The following SPATA4 variants were observed in gnomAD, a reference collection of about 807,000 sequenced individuals.
The protein encoded by SPATA4 is spermatogenesis associated 4, also known as spermatogenesis-associated protein 4.
Under a neutral mutation model 31.8 loss-of-function variants are expected in SPATA4, and 35 were observed. That is an observed-to-expected ratio of 1.10 (90% CI 0.84 to 1.46). The LOEUF is 1.46. Ranked by LOEUF, SPATA4 falls within the 40% of genes most tolerant of loss-of-function variation. The pLI is 0.00. For synonymous variants in SPATA4, 126 were observed against 132.4 expected (o/e 0.95, Z 0.33); for missense variants, 394 against 363.1 (o/e 1.09, Z -0.69).
Position 176,188,162 on chromosome 4 carries a change from T to A in SPATA4, c.762A>T (p.Arg254Ser). The stretch of plus-strand genomic sequence containing the variant: ...TTCCTCTTTTAACTTTTAAATTATA[T>A]CTGCGCCCAGAGGCTTGGGCAGGAA... ...NHLPAQASGR[R>S]YNLKVKRGRV... is the part of the protein sequence containing the mutation. Residue 254 changes from arginine to serine, a missense_variant, in exon 5 of 6, where the codon AGA becomes AGT. Arg to Ser is a moderately radical substitution (Grantham distance 110). Transcript: ENST00000280191. 2 of 1,613,832 alleles carry A rather than the reference T, an allele frequency of 1.2e-6. No individual in the cohort carries two copies. Among genetic ancestry groups the A allele is most frequent in the Non-Finnish European group, 1.7e-6 (2 of 1,179,926 alleles).
rs1752552918 is a variant in SPATA4, at chr4:176,192,771, A to T, written c.544T>A (p.Ser182Thr). ...TCTTTAATAGACTTCGAAACTGTAG[A>T]CCTGGAAACCAGGGGTAAACGCATC... The part of the protein sequence containing the change: ...YQMRLPLVSR[S>T]TVSKSIKDNI... Residue 182 changes from serine to threonine, a missense_variant, in exon 4 of 6, where the codon TCT becomes ACT. Transcript: ENST00000280191. 6.2e-7 allele frequency: 1 copy of T among 1,614,038 alleles called. No individual in the cohort carries two copies. The highest frequency in any genetic ancestry group is 1.3e-5 in the African/African-American group (1 of 74,944).
chr4:176,186,231 G>A (rs759592596), intron 5 of SPATA4, among the ~76,000 whole-genome samples: 6 of 152,176 alleles, frequency 3.9e-5, no homozygotes, highest in East Asian at 1.9e-4. Flanking sequence ...GAAGGAAGCC[G>A]TGCTGTGACT....
At position 176,192,767 on chromosome 4, in the gene SPATA4, G is replaced by A. The variant is rs746377556; in HGVS notation, c.548C>T (p.Thr183Ile). ...GTTATCTTTAATAGACTTCGAAACT[G>A]TAGACCTGGAAACCAGGGGTAAACG... Reference protein sequence around the residue: ...QMRLPLVSRSTVSKSIKDNIR... With the variant: ...QMRLPLVSRSIVSKSIKDNIR... Residue 183 changes from threonine to isoleucine, a missense_variant, in exon 4 of 6, where the codon ACA becomes ATA. Transcript: ENST00000280191. 2 of 1,614,146 alleles carry A rather than the reference G, an allele frequency of 1.2e-6. No homozygotes were observed. Among genetic ancestry groups the A allele is most frequent in the Middle Eastern group, 1.6e-4 (1 of 6,062 alleles).
At chr4:176,187,553 G>A (rs929409498) in intron 5 of SPATA4, among the ~76,000 whole-genome samples, 3 of 151,490 alleles carry the variant, frequency 2.0e-5, no homozygotes, top group Non-Finnish European at 2.9e-5. Flanking sequence ...GCAGTGAGCC[G>A]AGATCACACC....
intron 4 of SPATA4, among the ~76,000 whole-genome samples, chr4:176,190,930 G>C (rs956770998): frequency 6.6e-6 from 1 of 151,748 alleles, no homozygotes; most frequent in Non-Finnish European, 1.5e-5. Context: ...ATATTCACAG[G>C]TTTCAGGGAT....
At position 176,190,995 on chromosome 4, in the gene SPATA4, C is replaced by T. The variant is rs115740337; in HGVS notation, c.688+1632G>A. 7.0e-3 allele frequency among the ~76,000 whole-genome samples: 1,044 copies of T among 149,830 alleles called. 10 individuals are homozygous for T. Among genetic ancestry groups the T allele is most frequent in the African/African-American group, 0.024 (983 of 40,844 alleles). Reference sequence around the variant, plus strand: ...TGCCTACTACAGAGTTTCATAAAATCAACTAAACTTAAAAATATATATGAA... The same window carrying T: ...TGCCTACTACAGAGTTTCATAAAATTAACTAAACTTAAAAATATATATGAA... On this transcript the variant is annotated intron_variant, in intron 4 of 5. Transcript: ENST00000280191.
Position 176,193,462 on chromosome 4 carries a change from C to T in SPATA4, c.339G>A (p.Gln113=), listed in dbSNP as rs141308490. The T allele has an allele frequency of 6.0e-4, 965 of 1,612,696 alleles. No homozygotes were observed. Among genetic ancestry groups the T allele is most frequent in the Non-Finnish European group, 7.7e-4 (903 of 1,179,664 alleles). Residue 113 remains glutamine, a synonymous_variant, in exon 2 of 6, where the codon CAG becomes CAA. Transcript: ENST00000280191. ...SLKVKLDNWA[Q]LEKFLARKKF... ...ATGACTGCTAACGTACCTTCTCCAACTGTGCCCAGTTATCCAACTTGACTT... is the reference window on the plus strand; with the variant it reads ...ATGACTGCTAACGTACCTTCTCCAATTGTGCCCAGTTATCCAACTTGACTT...
chr4:176,190,026 T>C (rs1752503599), intron 4 of SPATA4, among the ~76,000 whole-genome samples: 1 of 152,114 alleles, frequency 6.6e-6, no homozygotes, highest in Non-Finnish European at 1.5e-5. Context: ...GGGGGCTGCG[T>C]GCACCGGTAA....
intron 4 of SPATA4, among the ~76,000 whole-genome samples, chr4:176,191,496 A>T (rs1460421228): frequency 6.6e-6 from 1 of 152,240 alleles, no homozygotes; most frequent in Admixed American, 6.5e-5. Flanking sequence ...AGGGGAAGGT[A>T]AAGGCATTAG....
intron 4 of SPATA4, among the ~76,000 whole-genome samples, chr4:176,188,484 A>T (rs1422665448): frequency 6.6e-6 from 1 of 152,158 alleles, no homozygotes; most frequent in Non-Finnish European, 1.5e-5. Flanking sequence ...ATTCAATTAT[A>T]ATGTATATAC....
chr4:176,195,366 A>T lies in SPATA4; in HGVS notation c.197T>A (p.Phe66Tyr), dbSNP rs1448556886. ...GCACCTGTTGATGTTCCTGGGGAAGAAGCTGAGATCCAGACCCTGAAGCCA... is the reference window on the plus strand; with the variant it reads ...GCACCTGTTGATGTTCCTGGGGAAGTAGCTGAGATCCAGACCCTGAAGCCA... ...LRWLQGLDLS[F>Y]FPRNINRDFS... Residue 66 changes from phenylalanine (F) to tyrosine (Y), a missense_variant, in exon 1 of 6, where the codon TTC becomes TAC. Transcript: ENST00000280191. 1 of 1,614,108 alleles carries T rather than the reference A, an allele frequency of 6.2e-7. No individual in the cohort carries two copies. The highest frequency in any genetic ancestry group is 8.5e-7 in the Non-Finnish European group (1 of 1,180,034).
At chr4:176,192,911 A>G (rs769536180) in intron 3 of SPATA4, 47 bp downstream of exon 3, 2 of 1,583,596 alleles carry the variant, frequency 1.3e-6, no homozygotes, top group South Asian at 2.3e-5. Context: ...TATATTATCA[A>G]AAGTTTCACA....
At chr4:176,194,316 GAAGAAA>G (rs1257008314) in intron 1 of SPATA4, 1 of 152,186 alleles carries the variant, frequency 6.6e-6, no homozygotes, top group Non-Finnish European at 1.5e-5. Context: ...CCTGAAATAT[GAAGAAA>G]AAGAAATTCT....
At chr4:176,194,028 G>A (rs1752574074) in intron 1 of SPATA4, 2 of 158,402 alleles carry the variant, frequency 1.3e-5, no homozygotes, top group Admixed American at 1.3e-4. Context: ...CTCTGTTCTG[G>A]GCAGTCTGAT....
In SPATA4 at chr4:176,192,666, G is replaced by A. The variant is rs1344896891; in HGVS notation, c.649C>T (p.His217Tyr). 1.2e-6 allele frequency: 2 copies of A among 1,614,072 alleles called. No homozygotes were observed. The highest frequency in any genetic ancestry group is 1.7e-5 in the Admixed American group (1 of 60,018). ...ELKAEFLILL[H>Y]MLQRKLGRKL... ...CTGCCTAATTTTCTTTGCAACATAT[G>A]TAAAAGGATGAGGAACTCCGCTTTA... The change falls in exon 4 of 6, where the codon CAT (histidine) becomes TAT (tyrosine). Residue 217 changes from histidine (H) to tyrosine (Y), a missense_variant. Coordinates refer to ENST00000280191, the MANE Select transcript of SPATA4 (RefSeq NM_144644.4).
At chr4:176,191,812 CT>C (rs1189822925) in intron 4 of SPATA4, among the ~76,000 whole-genome samples, 2 of 152,246 alleles carry the variant, frequency 1.3e-5, no homozygotes. Flanking sequence ...AAATATCCAT[CT>C]CACAATTTTA....
At chr4:176,188,458 T>A (rs916629372) in intron 4 of SPATA4, among the ~76,000 whole-genome samples, 9 of 152,274 alleles carry the variant, frequency 5.9e-5, no homozygotes, top group Admixed American at 5.2e-4. Context: ...TTCCTGTTAG[T>A]CTTTGGTAAG....
chr4:176,193,753 A>C, intron 1 of SPATA4, 171 bp from the exon 2 acceptor site: 1 of 602,898 alleles, frequency 1.7e-6, no homozygotes, highest in Non-Finnish European at 2.6e-6. Context: ...AAGATTATCT[A>C]CGTTTCAAAG....
intron 1 of SPATA4, chr4:176,194,793 G>C (rs953634936): frequency 7.3e-6 from 1 of 136,370 alleles, no homozygotes; most frequent in Non-Finnish European, 1.5e-5. Flanking sequence ...GGAGTGCAGC[G>C]GCATAATCTC....
Sources: gnomAD v4.1 joint callset for allele counts (sites outside exome capture counted in the v4.1 genomes callset) on GRCh38, gnomAD v4.1.1 for gene constraint, MANE v1.5 for transcripts, NCBI Gene and HGNC (gene_info 2026-07-23, HGNC 2026-07-21) for gene names.